The following ATP8A1 variants were observed in gnomAD, a reference collection of about 807,000 sequenced individuals.
The protein encoded by ATP8A1 is phospholipid-transporting ATPase IA.
ATP8A1 carries 90 observed loss-of-function variants against 177.7 expected under a neutral mutation model. The observed-to-expected ratio is 0.51, with a 90% CI of 0.43 to 0.60. The LOEUF is 0.60. Among genes scored for constraint, ATP8A1 ranks in the 20% least tolerant of loss-of-function variants. The pLI is 0.00. For synonymous variants in ATP8A1, 493 were observed against 485.9 expected, an observed-to-expected ratio of 1.01 and a Z score of -0.19; for missense variants, 1,072 against 1,392.8, an observed-to-expected ratio of 0.77 and a Z score of 3.67.
chr4:42,454,894 T>C (rs1718314651), intron 29 of ATP8A1, among the ~76,000 whole-genome samples: 2 of 152,180 alleles, frequency 1.3e-5, no homozygotes, highest in African/African-American at 4.8e-5. Context: ...AAAATACCTC[T>C]CTCACTCCTT....
At chr4:42,620,218 C>T (rs1448192218) in intron 4 of ATP8A1, among the ~76,000 whole-genome samples, 3 of 152,166 alleles carry the variant, frequency 2.0e-5, no homozygotes, top group Admixed American at 6.5e-5. Flanking sequence ...ATTTGTCCCC[C>T]ATTTTAGAGA....
At chr4:42,550,909 T>C (rs933544445) in intron 18 of ATP8A1, among the ~76,000 whole-genome samples, 2 of 152,176 alleles carry the variant, frequency 1.3e-5, no homozygotes, top group Non-Finnish European at 2.9e-5. Context: ...AATTTGAGTA[T>C]GAGGAAGGAT....
In ATP8A1 at chr4:42,411,023, A is replaced by G. The variant is rs1042645076; in HGVS notation, c.*1893T>C. 5.9e-5 allele frequency: 9 copies of G among 152,162 alleles called. No individual in the cohort carries two copies. Among genetic ancestry groups the G allele is most frequent in the Non-Finnish European group, 4.4e-5 (3 of 68,032 alleles). The allele number at this position is 152,162 out of a possible 1,614,324, so 9.4% of individuals were successfully genotyped here. On this transcript the variant is annotated 3_prime_UTR_variant, in exon 37 of 37. Transcript: ENST00000381668. Reference sequence around the variant, plus strand: ...GCTGCTCTGAATATTCATTCACTGGACAGGTAAAGACTGGGACTTCAGAAT... The same window carrying G: ...GCTGCTCTGAATATTCATTCACTGGGCAGGTAAAGACTGGGACTTCAGAAT...
chr4:42,497,819 C>G (rs893393904), intron 24 of ATP8A1, among the ~76,000 whole-genome samples: 13 of 152,160 alleles, frequency 8.5e-5, no homozygotes, highest in African/African-American at 2.4e-4. Flanking sequence ...TTTTTACTAA[C>G]CCATTTATTT....
At chr4:42,619,229 T>C (rs1428324863) in intron 4 of ATP8A1, among the ~76,000 whole-genome samples, 1 of 152,202 alleles carries the variant, frequency 6.6e-6, no homozygotes, top group Non-Finnish European at 1.5e-5. Context: ...CTAGTTTTAC[T>C]CACTAACATA....
intron 6 of ATP8A1, among the ~76,000 whole-genome samples, chr4:42,598,537 C>T (rs1197031426): frequency 2.6e-5 from 4 of 152,010 alleles, no homozygotes; most frequent in Non-Finnish European, 5.9e-5. Flanking sequence ...AAAATTTAGT[C>T]AATTCTTGAG....
In ATP8A1 at chr4:42,637,217, A is replaced by G. The variant is rs116571803; in HGVS notation, c.50-10108T>C. Reference sequence around the variant, plus strand: ...CACAGTGCAATTTTCCTGCTTAAGAATAAGCAGGCTACCTGGAACCTTCCC... The same window carrying G: ...CACAGTGCAATTTTCCTGCTTAAGAGTAAGCAGGCTACCTGGAACCTTCCC... On this transcript the variant is annotated intron_variant, in intron 1 of 36. Transcript: ENST00000381668. 2.0e-3 allele frequency: 1,025 copies of G among 518,874 alleles called. 12 individuals carry two copies. Among genetic ancestry groups the G allele is most frequent in the African/African-American group, 0.018 (924 of 52,058 alleles). The allele number at this position is 518,874 out of a possible 1,614,324, so 32.1% of individuals were successfully genotyped here. A position where few individuals can be genotyped will look rare whatever the true frequency, so the allele number is the denominator to read the frequency against.
chr4:42,546,436 TG>T (rs1728930751), intron 19 of ATP8A1, among the ~76,000 whole-genome samples: 1 of 44,990 alleles, frequency 2.2e-5, no homozygotes, highest in Non-Finnish European at 4.0e-5. Flanking sequence ...TGTTGTGGGG[TG>T]GGGGGAGGGG....
In ATP8A1 at chr4:42,602,591, C is replaced by T. The variant is rs558494865; in HGVS notation, c.410-2073G>A. ...CCAGCCTGGCCAACATGGTGAAACC[C>T]TGTCTCTACTAAAAAAACACCAAAA... On this transcript the variant is annotated intron_variant, in intron 5 of 36. Coordinates refer to ENST00000381668, the MANE Select transcript of ATP8A1 (RefSeq NM_006095.2). Among the ~76,000 whole-genome samples, 276 of 152,138 alleles carry T rather than the reference C, an allele frequency of 1.8e-3. 1 individual carries two copies. Among genetic ancestry groups the T allele is most frequent in the African/African-American group, 6.3e-3 (261 of 41,482 alleles).
chr4:42,585,568 T>C (rs1267054063), intron 9 of ATP8A1, among the ~76,000 whole-genome samples: 2 of 149,670 alleles, frequency 1.3e-5, no homozygotes, highest in Admixed American at 6.7e-5. Context: ...CTGAATCTTC[T>C]AGTGCCTTGA....
At chr4:42,599,605 C>T (rs1350071527) in intron 6 of ATP8A1, among the ~76,000 whole-genome samples, 2 of 152,100 alleles carry the variant, frequency 1.3e-5, no homozygotes, top group Admixed American at 1.3e-4. Context: ...ATATCCCCTG[C>T]AGAAATACAA....
chr4:42,619,181 G>C lies in ATP8A1; in HGVS notation c.364-3103C>G, dbSNP rs17532651. The stretch of plus-strand genomic sequence containing the variant: ...TCTCACCAGTATGATTACTTGATTA[G>C]TGTCGATCTCTTCTATTGGATATAA... On this transcript the variant is annotated intron_variant, in intron 4 of 36. Transcript: ENST00000381668. 2.0e-5 allele frequency among the ~76,000 whole-genome samples: 3 copies of C among 151,784 alleles called. No homozygotes were observed. The South Asian group carries it at 6.2e-4, about 31-fold the overall frequency.
intron 20 of ATP8A1, among the ~76,000 whole-genome samples, chr4:42,527,233 T>C (rs1454234082): frequency 6.6e-6 from 1 of 152,130 alleles, no homozygotes; most frequent in Non-Finnish European, 1.5e-5. Flanking sequence ...AGACACAAGC[T>C]GTTATCATGC....
chr4:42,600,227 T>C (rs1735105992), intron 6 of ATP8A1, among the ~76,000 whole-genome samples: 2 of 152,178 alleles, frequency 1.3e-5, no homozygotes, highest in South Asian at 2.1e-4. Flanking sequence ...ATAAAATCTA[T>C]GATAACAGTA....
At chr4:42,587,688 G>A (rs898504055) in intron 8 of ATP8A1, among the ~76,000 whole-genome samples, 2 of 148,410 alleles carry the variant, frequency 1.3e-5, no homozygotes, top group Admixed American at 6.7e-5. Context: ...CTCACTGCAA[G>A]CTCCGCCTCC....
chr4:42,576,775 C>T (rs979550643), intron 12 of ATP8A1, among the ~76,000 whole-genome samples: 6 of 152,034 alleles, frequency 3.9e-5, no homozygotes, highest in Non-Finnish European at 7.4e-5. Context: ...ACCAACTGGG[C>T]CTTTGTTCAG....
chr4:42,614,082 AG>A (rs1015411701), intron 5 of ATP8A1, among the ~76,000 whole-genome samples: 6 of 144,276 alleles, frequency 4.2e-5, no homozygotes, highest in Non-Finnish European at 9.5e-5. Context: ...ATTTAGCCAT[AG>A]GGCCAATCCT....
intron 5 of ATP8A1, among the ~76,000 whole-genome samples, chr4:42,600,809 C>T (rs2109398670): frequency 6.6e-6 from 1 of 151,976 alleles, no homozygotes; most frequent in Non-Finnish European, 1.5e-5. Context: ...GAGGAGAAAG[C>T]CACAAAAATG....
At chr4:42,480,851 T>C (rs1159575062) in intron 25 of ATP8A1, among the ~76,000 whole-genome samples, 2 of 152,078 alleles carry the variant, frequency 1.3e-5, no homozygotes, top group Non-Finnish European at 2.9e-5. Flanking sequence ...ATGTTGCAAG[T>C]AGGAAAAAAT....
Sources: gnomAD v4.1 joint callset for allele counts (sites outside exome capture counted in the v4.1 genomes callset) on GRCh38, gnomAD v4.1.1 for gene constraint, MANE v1.5 for transcripts, NCBI Gene and HGNC (gene_info 2026-07-23, HGNC 2026-07-21) for gene names.